The following PRRX1 variants were observed in gnomAD, a reference collection of about 807,000 sequenced individuals.
The protein encoded by PRRX1 is paired related homeobox 1, also known as paired mesoderm homeobox protein 1.
PRRX1 carries 8 observed loss-of-function variants against 24.0 expected under a neutral mutation model. That is an observed-to-expected ratio of 0.33 (90% CI 0.20 to 0.60). The LOEUF (loss-of-function observed/expected upper bound fraction) is 0.60. PRRX1 is among the 20% of genes least tolerant of loss of function. The pLI, the probability that PRRX1 is intolerant of heterozygous loss-of-function variation, is 0.82. For missense variants in PRRX1, 281 were observed against 322.4 expected, an observed-to-expected ratio of 0.87 and a Z score of 0.98; for synonymous variants, 160 against 131.7, an observed-to-expected ratio of 1.22 and a Z score of -1.47.
chr1:170,682,351 C>CACCACTGCACTCCAGCCTGGGCGA (rs1183614768), intron 1 of PRRX1, among the ~76,000 whole-genome samples: 1 of 150,066 alleles, frequency 6.7e-6, no homozygotes, highest in Non-Finnish European at 1.5e-5. Context: ...CTTAAGAATG[C>CACCACTGCACTCCAGCCTGGGCGA]CAGTAAGGTT....
intron 2 of PRRX1, among the ~76,000 whole-genome samples, chr1:170,723,426 G>GTCTTCA (rs1426203044): frequency 0.013 from 1,960 of 152,258 alleles, 50 homozygotes; most frequent in African/African-American, 0.044. Flanking sequence ...CATTTAATAG[G>GTCTTCA]TTTTGATCTG....
chr1:170,721,684 ACC>A (rs1655090084), intron 2 of PRRX1, among the ~76,000 whole-genome samples: 1 of 152,114 alleles, frequency 6.6e-6, no homozygotes, highest in African/African-American at 2.4e-5. Flanking sequence ...AGTGAGAGTG[ACC>A]CATAGAGACA....
intron 1 of PRRX1, among the ~76,000 whole-genome samples, chr1:170,681,065 G>T (rs183939610): frequency 1.3e-5 from 2 of 152,158 alleles, no homozygotes; most frequent in East Asian, 3.8e-4. Context: ...GTGCCTTTGG[G>T]TCTCTTAATG....
intron 1 of PRRX1, among the ~76,000 whole-genome samples, chr1:170,674,766 A>G (rs1653257703): frequency 6.6e-6 from 1 of 151,512 alleles, no homozygotes; most frequent in Non-Finnish European, 1.5e-5. Context: ...GTAATTTTGT[A>G]AATTATAGGA....
At chr1:170,695,487 G>A (rs1264454473) in intron 1 of PRRX1, among the ~76,000 whole-genome samples, 2 of 152,186 alleles carry the variant, frequency 1.3e-5, no homozygotes, top group Non-Finnish European at 2.9e-5. Flanking sequence ...GGTGGAAGGA[G>A]TAATTGTCCA....
At chr1:170,711,268 C>T (rs768603720) in intron 1 of PRRX1, among the ~76,000 whole-genome samples, 4 of 152,090 alleles carry the variant, frequency 2.6e-5, no homozygotes, top group Admixed American at 6.6e-5. Context: ...ACAGAATTAC[C>T]TTTGGTTCTA....
intron 3 of PRRX1, chr1:170,730,513 A>G: frequency 1.6e-6 from 1 of 622,916 alleles, no homozygotes; most frequent in South Asian, 1.9e-5. Context: ...ATGTCCACTA[A>G]ATGAAGCATA....
chr1:170,709,144 A>G (rs1332953169), intron 1 of PRRX1, among the ~76,000 whole-genome samples: 2 of 152,230 alleles, frequency 1.3e-5, no homozygotes, highest in East Asian at 1.9e-4. Flanking sequence ...ACAGACTGTC[A>G]TAAGTGTTAT....
In PRRX1 at chr1:170,736,789, T is replaced by C. The variant is rs1237739862; in HGVS notation, c.*603T>C. 5.2e-6 allele frequency: 1 copy of C among 191,554 alleles called. No individual in the cohort carries two copies. Among genetic ancestry groups the C allele is most frequent in the Non-Finnish European group, 1.1e-5 (1 of 91,466 alleles). The allele number at this position is 191,554 out of a possible 1,614,324, so 11.9% of individuals were successfully genotyped here. ...CCATCAGCCTCTGAAAAAATAGTTG[T>C]GCACAACATCTGCTCACTGGACTGT... On this transcript the variant is annotated 3_prime_UTR_variant, in exon 4 of 4. Coordinates refer to ENST00000239461, the MANE Select transcript of PRRX1 (RefSeq NM_022716.4).
At chr1:170,735,155 C>CCTT (rs2101928693) in intron 3 of PRRX1, among the ~76,000 whole-genome samples, 1 of 152,256 alleles carries the variant, frequency 6.6e-6, no homozygotes, top group East Asian at 1.9e-4. Context: ...ATTTCTTTTT[C>CCTT]CTTTAACAGA....
chr1:170,719,844 T>A lies in PRRX1; in HGVS notation c.360T>A (p.Asp120Glu). The A allele has an allele frequency of 6.2e-7, 1 of 1,614,196 alleles. No homozygotes were observed. Among genetic ancestry groups the A allele is most frequent in the Non-Finnish European group, 8.5e-7 (1 of 1,180,042 alleles). ...ERVFERTHYPDAFVREDLARR... is the reference protein window; with the variant it reads ...ERVFERTHYPEAFVREDLARR... ...TCTTTGAGCGGACACACTATCCTGA[T>A]GCTTTTGTGCGAGAAGACCTTGCCC... The change falls in exon 2 of 4, where the codon GAT (aspartate) becomes GAA (glutamate). Residue 120 changes from aspartate (D) to glutamate (E), a missense_variant. Coordinates refer to ENST00000239461, the MANE Select transcript of PRRX1 (RefSeq NM_022716.4).
chr1:170,730,278 T>A (rs1462096577), intron 3 of PRRX1: 1 of 1,608,720 alleles, frequency 6.2e-7, no homozygotes, highest in South Asian at 1.1e-5. Context: ...CAAAAATAGA[T>A]CCTCGTCCCT....
chr1:170,713,401 A>G (rs1654806840), intron 1 of PRRX1, among the ~76,000 whole-genome samples: 1 of 152,186 alleles, frequency 6.6e-6, no homozygotes, highest in Non-Finnish European at 1.5e-5. Flanking sequence ...TTTAAGGAAA[A>G]TGTCTTAAGA....
chr1:170,702,867 TG>T (rs1654435290), intron 1 of PRRX1, among the ~76,000 whole-genome samples: 1 of 152,174 alleles, frequency 6.6e-6, no homozygotes, highest in African/African-American at 2.4e-5. Context: ...GTGAAATGGA[TG>T]GGTAGATCTA....
chr1:170,719,925 G>T (rs1655027814), intron 2 of PRRX1, 24 bp downstream of exon 2: 1 of 1,612,564 alleles, frequency 6.2e-7, no homozygotes, highest in Non-Finnish European at 8.5e-7. Context: ...TGAGAGGCTG[G>T]CACCAAGTAG....
chr1:170,680,440 A>T (rs567087213), intron 1 of PRRX1, among the ~76,000 whole-genome samples: 1 of 152,318 alleles, frequency 6.6e-6, no homozygotes, highest in East Asian at 1.9e-4. Flanking sequence ...ACAGTTCTCT[A>T]AGCCCATCTG....
chr1:170,722,935 A>G (rs946714130), intron 2 of PRRX1, among the ~76,000 whole-genome samples: 1 of 152,212 alleles, frequency 6.6e-6, no homozygotes, highest in Non-Finnish European at 1.5e-5. Context: ...AATTTTGAGC[A>G]CAGGGTAGGA....
rs903933597 is a variant in PRRX1, at chr1:170,738,852, C to T, written c.*2666C>T. ...GAAGTTGGGTGGTTTTATCCAATGTCTCAAGCAAGCAATGTCTGGGAATAT... is the reference window on the plus strand; with the variant it reads ...GAAGTTGGGTGGTTTTATCCAATGTTTCAAGCAAGCAATGTCTGGGAATAT... On this transcript the variant is annotated 3_prime_UTR_variant, in exon 4 of 4. Coordinates refer to ENST00000239461, the MANE Select transcript of PRRX1 (RefSeq NM_022716.4). The T allele has an allele frequency of 4.4e-6, 1 of 229,326 alleles. No homozygotes were observed. Among genetic ancestry groups the T allele is most frequent in the African/African-American group, 2.2e-5 (1 of 45,134 alleles). The allele number at this position is 229,326 out of a possible 1,614,324, so 14.2% of individuals were successfully genotyped here.
At chr1:170,709,761 GGGA>G (rs1654686320) in intron 1 of PRRX1, among the ~76,000 whole-genome samples, 1 of 152,174 alleles carries the variant, frequency 6.6e-6, no homozygotes, top group African/African-American at 2.4e-5. Context: ...TAAAGTGATA[GGGA>G]GGATGCTAAA....
Sources: allele counts gnomAD v4.1 joint callset (sites outside exome capture counted in the v4.1 genomes callset), GRCh38; gene constraint gnomAD v4.1.1; transcripts MANE v1.5; gene names NCBI Gene and HGNC (gene_info 2026-07-23, HGNC 2026-07-21).